Variants in OTUD7A observed in about 807,000 individuals in gnomAD.
OTUD7A encodes OTU domain-containing protein 7A.
OTUD7A carries 12 observed loss-of-function variants against 65.7 expected under a neutral mutation model. The observed-to-expected ratio is 0.18, with a 90% CI of 0.12 to 0.30. The LOEUF (loss-of-function observed/expected upper bound fraction) is 0.30. Among genes scored for constraint, OTUD7A ranks in the 10% least tolerant of loss-of-function variants. The probability of loss-of-function intolerance (pLI) is 1.00; values close to 1 mark genes in which losing one functional copy is unlikely to be tolerated. For missense variants in OTUD7A, 1,148 were observed against 1,304.8 expected (o/e 0.88, Z 1.85); for synonymous variants, 641 against 586.3 (o/e 1.09, Z -1.35).
intron 1 of OTUD7A, among the ~76,000 whole-genome samples, chr15:31,684,787 TTTTG>T (rs1473504433): frequency 6.7e-6 from 1 of 148,612 alleles, no homozygotes; most frequent in African/African-American, 2.5e-5. Flanking sequence ...TTCTGCTGTA[TTTTG>T]TTTATTAACA....
At chr15:31,507,157 G>A (rs1385794442) in intron 8 of OTUD7A, among the ~76,000 whole-genome samples, 1 of 152,110 alleles carries the variant, frequency 6.6e-6, no homozygotes, top group Non-Finnish European at 1.5e-5. Flanking sequence ...ACTGAAGAAG[G>A]GGAAGATGGG....
intron 3 of OTUD7A, among the ~76,000 whole-genome samples, chr15:31,614,757 C>T (rs12909411): frequency 0.29 from 43,618 of 151,874 alleles, 7,392 homozygotes; most frequent in African/African-American, 0.47. Context: ...TAAAGAACAA[C>T]GGAAAATCAT....
At chr15:31,743,879 G>C (rs940164115) in intron 1 of OTUD7A, among the ~76,000 whole-genome samples, 1 of 152,148 alleles carries the variant, frequency 6.6e-6, no homozygotes, top group African/African-American at 2.4e-5. Flanking sequence ...GGGAGGGAAA[G>C]AGGGAAAGCA....
At chr15:31,797,073 G>A (rs1476603127) in intron 1 of OTUD7A, among the ~76,000 whole-genome samples, 4 of 152,144 alleles carry the variant, frequency 2.6e-5, no homozygotes, top group Non-Finnish European at 5.9e-5. Flanking sequence ...ATGGGGGTGC[G>A]GGGGGAAGCA....
At chr15:31,711,564 T>C (rs1467861816) in intron 1 of OTUD7A, among the ~76,000 whole-genome samples, 2 of 149,488 alleles carry the variant, frequency 1.3e-5, no homozygotes, top group African/African-American at 2.5e-5. Flanking sequence ...TGCAATGATA[T>C]CTGTAATACC....
intron 1 of OTUD7A, among the ~76,000 whole-genome samples, chr15:31,866,575 C>T (rs1339861702): frequency 6.6e-6 from 1 of 152,204 alleles, no homozygotes; most frequent in East Asian, 1.9e-4. Context: ...TGGTCTCACA[C>T]ACAAACTTTT....
Position 31,478,615 on chromosome 15 carries a change from C to A in OTUD7A, c.*4679G>T, listed in dbSNP as rs954702791. On this transcript the variant is annotated 3_prime_UTR_variant, in exon 13 of 13. Transcript: ENST00000307050. ...GTGGGGCCAAGTTCTTCATACTGCA[C>A]AGACTGCACATAACTGTTGTTCCCA... 1 of 152,238 alleles carries A rather than the reference C, an allele frequency of 6.6e-6. No individual in the cohort carries two copies. The highest frequency in any genetic ancestry group is 2.4e-5 in the African/African-American group (1 of 41,446). The allele number at this position is 152,238 out of a possible 1,614,324, so 9.4% of individuals were successfully genotyped here.
At chr15:31,729,785 T>G (rs2141359424) in intron 1 of OTUD7A, among the ~76,000 whole-genome samples, 1 of 152,292 alleles carries the variant, frequency 6.6e-6, no homozygotes, top group Non-Finnish European at 1.5e-5. Flanking sequence ...AGCTGTAGCC[T>G]CCTGCTCGTT....
intron 5 of OTUD7A, among the ~76,000 whole-genome samples, chr15:31,538,716 A>C (rs1284475616): frequency 6.6e-6 from 1 of 152,184 alleles, no homozygotes; most frequent in Non-Finnish European, 1.5e-5. Flanking sequence ...GTAAAGTGCC[A>C]AAAGAAACAC....
At chr15:31,595,196 C>T (rs949037877) in intron 3 of OTUD7A, among the ~76,000 whole-genome samples, 3 of 152,146 alleles carry the variant, frequency 2.0e-5, no homozygotes, top group African/African-American at 7.2e-5. Context: ...AAGCCTGTGC[C>T]TGGAGTGTGC....
chr15:31,727,191 A>T (rs1448219579), intron 1 of OTUD7A, among the ~76,000 whole-genome samples: 1 of 151,930 alleles, frequency 6.6e-6, no homozygotes, highest in Non-Finnish European at 1.5e-5. Context: ...GGTATCCCAT[A>T]CTCCAAGTGG....
chr15:31,529,039 G>T (rs774926351), intron 6 of OTUD7A, among the ~76,000 whole-genome samples: 2 of 152,190 alleles, frequency 1.3e-5, no homozygotes, highest in African/African-American at 4.8e-5. Flanking sequence ...TCCCAGGCAG[G>T]CCTGGGAGGC....
intron 1 of OTUD7A, among the ~76,000 whole-genome samples, chr15:31,756,175 T>G (rs1035897898): frequency 9.8e-5 from 15 of 152,354 alleles, no homozygotes; most frequent in Middle Eastern, 3.4e-3. Flanking sequence ...ACTAAGGGCC[T>G]GTGGGTCCTC....
At position 31,526,465 on chromosome 15, in the gene OTUD7A, G is replaced by A. The variant is rs760294942; in HGVS notation, c.781-4C>T. 1.9e-6 allele frequency: 3 copies of A among 1,577,488 alleles called. No individual in the cohort carries two copies. The highest frequency in any genetic ancestry group is 2.6e-6 in the Non-Finnish European group (3 of 1,166,922). On this transcript the variant is annotated splice_region_variant and splice_polypyrimidine_tract_variant and intron_variant, in intron 7 of 12. Transcript: ENST00000307050. ...CCTCTGTGTACACCAGCCCTGACTG[G>A]CAGAGGGGAGCCGGCTCAGAAGGGG...
At chr15:31,632,799 T>C (rs2141251768) in intron 3 of OTUD7A, among the ~76,000 whole-genome samples, 1 of 152,242 alleles carries the variant, frequency 6.6e-6, no homozygotes, top group South Asian at 2.1e-4. Flanking sequence ...GCTGCTTTGT[T>C]TGCCTAATCA....
At chr15:31,643,742 T>A (rs1185409921) in intron 3 of OTUD7A, among the ~76,000 whole-genome samples, 4 of 152,220 alleles carry the variant, frequency 2.6e-5, no homozygotes, top group Non-Finnish European at 5.9e-5. Flanking sequence ...AAGTTTATAT[T>A]TCTATAAATA....
chr15:31,570,296 T>C (rs1889009815), intron 3 of OTUD7A, 99 bp from the exon 4 acceptor site: 1 of 1,342,348 alleles, frequency 7.4e-7, no homozygotes. Flanking sequence ...CATTAGGACA[T>C]AAACTAATGA....
rs140878849 is a variant in OTUD7A at position 31,543,608 on chromosome 15, A to C, written c.551-12800T>G. Among the ~76,000 whole-genome samples the C allele has an allele frequency of 6.9e-3, 1,044 of 152,026 alleles. 16 individuals carry two copies. The highest frequency in any genetic ancestry group is 0.024 in the African/African-American group (1,005 of 41,564). The stretch of plus-strand genomic sequence containing the variant: ...TACGGAAAGCTAACATAGCTGAATC[A>C]ATAGCAGATAAAATAAATCAAAAGG... On this transcript the variant is annotated intron_variant, in intron 5 of 12. Coordinates refer to ENST00000307050, the MANE Select transcript of OTUD7A (RefSeq NM_001382637.1).
chr15:31,507,679 C>T (rs1320443403), intron 8 of OTUD7A, among the ~76,000 whole-genome samples: 4 of 152,160 alleles, frequency 2.6e-5, no homozygotes, highest in East Asian at 1.9e-4. Context: ...TGGCCCCTCC[C>T]ATGTTCCATT....
Sources: gnomAD v4.1 joint callset for allele counts (sites outside exome capture counted in the v4.1 genomes callset) on GRCh38, gnomAD v4.1.1 for gene constraint, MANE v1.5 for transcripts, NCBI Gene and HGNC (gene_info 2026-07-23, HGNC 2026-07-21) for gene names.